ADSS2: variants seen among roughly 807,000 people sequenced by gnomAD.
ADSS2 encodes the protein adenylosuccinate synthetase isozyme 2.
In ADSS2, 30 loss-of-function variants were observed where a neutral mutation model predicts 60.0. That is an observed-to-expected ratio of 0.50 (90% confidence interval 0.37 to 0.68). The LOEUF is 0.68. ADSS2 is among the 30% of genes least tolerant of loss of function. The pLI is 0.00. For missense variants in ADSS2, 373 were observed against 554.8 expected (o/e 0.67, Z 3.29); for synonymous variants, 187 against 193.1 (o/e 0.97, Z 0.26).
chr1:244,427,662 C>G (rs1183000955), intron 4 of ADSS2, among the ~76,000 whole-genome samples: 1 of 152,086 alleles, frequency 6.6e-6, no homozygotes, highest in African/African-American at 2.4e-5. Flanking sequence ...CTTAAGGCAA[C>G]TCTAGTGGCT....
chr1:244,419,637 T>G (rs1419303791), intron 8 of ADSS2, among the ~76,000 whole-genome samples: 1 of 152,128 alleles, frequency 6.6e-6, no homozygotes, highest in African/African-American at 2.4e-5. Context: ...AGACTAATCA[T>G]GAGAAATCAT....
chr1:244,410,342 T>C (rs1447211703), intron 12 of ADSS2, among the ~76,000 whole-genome samples: 1 of 152,170 alleles, frequency 6.6e-6, no homozygotes, highest in Non-Finnish European at 1.5e-5. Context: ...CTTTTTCTTA[T>C]GTTTCAAATA....
chr1:244,449,606 G>A (rs572909913), intron 1 of ADSS2, among the ~76,000 whole-genome samples: 1 of 152,268 alleles, frequency 6.6e-6, no homozygotes, highest in East Asian at 1.9e-4. Context: ...AATCACAAAA[G>A]AGATAATGCT....
chr1:244,432,825 T>C (rs1664983168), intron 3 of ADSS2, among the ~76,000 whole-genome samples: 1 of 151,698 alleles, frequency 6.6e-6, no homozygotes, highest in Admixed American at 6.6e-5. Flanking sequence ...CCACCACACC[T>C]GGCTAATTTT....
At chr1:244,409,715 C>A in intron 12 of ADSS2, 77 bp from the exon 13 acceptor site, 3 of 1,161,280 alleles carry the variant, frequency 2.6e-6, no homozygotes, top group South Asian at 1.3e-5. Flanking sequence ...AACAGGTAGT[C>A]CCCTACTTTT....
At position 244,415,968 on chromosome 1, in the gene ADSS2, T is replaced by A. The variant is rs1338247648; in HGVS notation, c.1168+13A>T. 6.3e-7 allele frequency: 1 copy of A among 1,575,104 alleles called. No homozygotes were observed. Among genetic ancestry groups the A allele is most frequent in the Admixed American group, 1.7e-5 (1 of 59,408 alleles). On this transcript the variant is annotated intron_variant, in intron 11 of 12. Coordinates refer to ENST00000366535, the MANE Select transcript of ADSS2 (RefSeq NM_001126.5). ...CTTATAATATCCTTTAGATATTGCC[T>A]AAAAGAAAATACCTGGGATATGAGG...
intron 1 of ADSS2, 140 bp from the exon 2 acceptor site, chr1:244,437,908 A>T (rs1665142762): frequency 1.5e-6 from 1 of 657,226 alleles, no homozygotes; most frequent in East Asian, 2.5e-5. Context: ...ACTCATTTGT[A>T]AAAGGCTTTA....
At chr1:244,436,719 C>T in intron 3 of ADSS2, 106 bp downstream of exon 3, 4 of 943,808 alleles carry the variant, frequency 4.2e-6, no homozygotes, top group Non-Finnish European at 6.4e-6. Flanking sequence ...TCTATAATAG[C>T]CCGAAATTTT....
At chr1:244,426,267 T>A (rs1664801358) in intron 4 of ADSS2, among the ~76,000 whole-genome samples, 1 of 152,184 alleles carries the variant, frequency 6.6e-6, no homozygotes, top group African/African-American at 2.4e-5. Flanking sequence ...TTGTTTTCTA[T>A]GCTCAAAGAA....
At chr1:244,415,921 G>T in intron 11 of ADSS2, 60 bp downstream of exon 11, 1 of 1,240,200 alleles carries the variant, frequency 8.1e-7, no homozygotes, top group South Asian at 1.3e-5. Flanking sequence ...AGAGCTTTAT[G>T]AAACTGCTCT....
intron 4 of ADSS2, among the ~76,000 whole-genome samples, chr1:244,426,834 T>C (rs895980802): frequency 1.3e-5 from 2 of 152,146 alleles, no homozygotes; most frequent in African/African-American, 4.8e-5. Context: ...TCTGAGTTAC[T>C]ATTTCTCCTC....
At chr1:244,433,670 C>T (rs1665007953) in intron 3 of ADSS2, among the ~76,000 whole-genome samples, 1 of 151,900 alleles carries the variant, frequency 6.6e-6, no homozygotes, top group Admixed American at 6.6e-5. Context: ...CCATCCTGAC[C>T]AACATGGTGA....
At chr1:244,419,016 C>T in intron 8 of ADSS2, 102 bp from the exon 9 acceptor site, 2 of 1,095,864 alleles carry the variant, frequency 1.8e-6, no homozygotes, top group Non-Finnish European at 2.6e-6. Context: ...TTATAGGTAT[C>T]TAACAGATCT....
chr1:244,415,182 T>G (rs774203068), intron 11 of ADSS2, among the ~76,000 whole-genome samples: 5 of 152,270 alleles, frequency 3.3e-5, no homozygotes, highest in Non-Finnish European at 7.3e-5. Context: ...CATGTCATTA[T>G]ACTTGGTTAG....
intron 6 of ADSS2, among the ~76,000 whole-genome samples, chr1:244,423,563 T>G (rs2147996473): frequency 6.6e-6 from 1 of 152,264 alleles, no homozygotes. Flanking sequence ...ATCTGAGAGC[T>G]AATGATTTCT....
intron 11 of ADSS2, among the ~76,000 whole-genome samples, chr1:244,413,928 C>A (rs1239627373): frequency 6.6e-6 from 1 of 152,102 alleles, no homozygotes; most frequent in Non-Finnish European, 1.5e-5. Flanking sequence ...TTGAGTGAAA[C>A]CTATTACAAA....
At chr1:244,444,319 T>C (rs1558281012) in intron 1 of ADSS2, among the ~76,000 whole-genome samples, 1 of 150,148 alleles carries the variant, frequency 6.7e-6, no homozygotes, top group Non-Finnish European at 1.5e-5. Flanking sequence ...ATCGAGACCA[T>C]CCCGGCTAAA....
intron 4 of ADSS2, among the ~76,000 whole-genome samples, chr1:244,426,001 G>A (rs1664794453): frequency 6.6e-6 from 1 of 152,084 alleles, no homozygotes; most frequent in African/African-American, 2.4e-5. Flanking sequence ...GGTCATATAA[G>A]GGGATACTAT....
chr1:244,439,869 A>ACGCTC (rs890739602), intron 1 of ADSS2, among the ~76,000 whole-genome samples: 1 of 152,132 alleles, frequency 6.6e-6, no homozygotes, highest in Non-Finnish European at 1.5e-5. Context: ...GCTGATCTAA[A>ACGCTC]CGCTCCTTCC....
Sources: gnomAD v4.1 joint callset for allele counts (sites outside exome capture counted in the v4.1 genomes callset) on GRCh38, gnomAD v4.1.1 for gene constraint, MANE v1.5 for transcripts, NCBI Gene and HGNC (gene_info 2026-07-23, HGNC 2026-07-21) for gene names.